The following LYPD4 variants were observed in gnomAD, a reference collection of about 807,000 sequenced individuals.
LYPD4 encodes ly6/PLAUR domain-containing protein 4.
Under a neutral mutation model 18.2 loss-of-function variants are expected in LYPD4, and 20 were observed. The observed-to-expected ratio is 1.10, with a 90% CI of 0.77 to 1.59. The LOEUF (loss-of-function observed/expected upper bound fraction) is 1.59, where lower values mean the gene tolerates loss of function less well. Among genes scored for constraint, LYPD4 ranks in the 40% most tolerant of loss-of-function variants. The pLI is 0.00. For missense variants in LYPD4, 278 were observed against 300.3 expected, an observed-to-expected ratio of 0.93 and a Z score of 0.55; for synonymous variants, 111 against 118.3, an observed-to-expected ratio of 0.94 and a Z score of 0.40.
In LYPD4 at chr19:41,843,062, AAAAAAAAAAAAAAAAC is replaced by A. The variant is rs2073684231; in HGVS notation, c.-121+500_-121+515del. The stretch of plus-strand genomic sequence containing the variant: ...AAAAAAAAAAAAAAAAAAAAAAAAA[AAAAAAAAAAAAAAAAC>A]CCCAACAACAACACTACACACATCC... On this transcript the variant is annotated intron_variant, in intron 1 of 4. Coordinates refer to ENST00000609812, the MANE Select transcript of LYPD4 (RefSeq NM_173506.7). Among the ~76,000 whole-genome samples, 93 of 53,468 alleles carry A rather than the reference AAAAAAAAAAAAAAAAC, an allele frequency of 1.7e-3. 14 individuals are homozygous for A. Among genetic ancestry groups the A allele is most frequent in the African/African-American group, 2.5e-3 (33 of 13,014 alleles). The allele number at this position is 53,468 out of a possible 152,430, so 35.1% of individuals were successfully genotyped here.
downstream of LYPD4, chr19:41,835,076 C>T (rs1328565698): frequency 6.6e-6 from 1 of 152,068 alleles, no homozygotes; most frequent in East Asian, 1.9e-4. Context: ...GAGCTCAAAA[C>T]CAGGCAAATC....
chr19:41,838,168 GAC>G lies in LYPD4; in HGVS notation c.303_304del (p.Ser102HisfsTer31), dbSNP rs1555831366. The G allele has an allele frequency of 6.2e-7, 1 of 1,608,366 alleles. No individual in the cohort carries two copies. Among genetic ancestry groups the G allele is most frequent in the South Asian group, 1.1e-5 (1 of 90,726 alleles). ...GCAGACGCGACTGTAGGAGGCAATG[GAC>G]ACTCCGGGTGGGGAAACAAGGTAGG... On this transcript the variant is annotated frameshift_variant, in exon 4 of 5. Transcript: ENST00000609812. LOFTEE classifies it high-confidence loss of function.
At chr19:41,835,892 C>A, downstream of LYPD4, 1 of 922,496 alleles carries the variant, frequency 1.1e-6, no homozygotes, top group Non-Finnish European at 1.3e-6. Context: ...GTGATGACAT[C>A]TATTTAATAA....
intron 3 of LYPD4, among the ~76,000 whole-genome samples, chr19:41,838,592 C>T (rs1266450965): frequency 2.0e-5 from 3 of 152,068 alleles, no homozygotes; most frequent in Non-Finnish European, 4.4e-5. Flanking sequence ...AGTGTCCTGA[C>T]ATTATCCAGA....
Position 41,843,054 on chromosome 19 carries a change from AAAAAAAAAAAAAAAAAAAAAAAAC to A in LYPD4, c.-121+500_-121+523del, listed in dbSNP as rs2073679214. On this transcript the variant is annotated intron_variant, in intron 1 of 4. Coordinates refer to ENST00000609812, the MANE Select transcript of LYPD4 (RefSeq NM_173506.7). ...CGCTAAAAAAAAAAAAAAAAAAAAA[AAAAAAAAAAAAAAAAAAAAAAAAC>A]CCCAACAACAACACTACACACATCC... 4.0e-3 allele frequency among the ~76,000 whole-genome samples: 230 copies of A among 57,792 alleles called. 10 individuals carry two copies. Among genetic ancestry groups the A allele is most frequent in the African/African-American group, 9.0e-3 (170 of 18,866 alleles). 37.9% of individuals were successfully genotyped at this position (57,792 alleles called of 152,430 possible). A position where few individuals can be genotyped will look rare whatever the true frequency, so the allele number is the denominator to read the frequency against.
chr19:41,837,481 G>C (rs2073405393), intron 4 of LYPD4, 136 bp from the exon 5 acceptor site: 1 of 917,220 alleles, frequency 1.1e-6, no homozygotes, highest in Non-Finnish European at 1.7e-6. Flanking sequence ...AGGACTTAAG[G>C]CCAGGAGTTT....
downstream of LYPD4, chr19:41,835,781 G>A (rs1361259964): frequency 6.1e-6 from 6 of 985,274 alleles, no homozygotes; most frequent in African/African-American, 5.2e-5. Context: ...GTGCAGGCAC[G>A]TGTGCTTCAG....
downstream of LYPD4, chr19:41,835,819 G>C: frequency 1.0e-6 from 1 of 985,410 alleles, no homozygotes; most frequent in Non-Finnish European, 1.2e-6. Flanking sequence ...TACTAACAAA[G>C]GTCAGCTCCG....
downstream of LYPD4, among the ~76,000 whole-genome samples, chr19:41,836,895 G>C (rs1555830460): frequency 6.6e-6 from 1 of 152,098 alleles, no homozygotes; most frequent in Non-Finnish European, 1.5e-5. Context: ...ACCCAGGCTG[G>C]AGCTCAAGCC....
In LYPD4 at chr19:41,838,258, G is replaced by C; in HGVS notation, c.215C>G (p.Thr72Ser). 6.6e-7 allele frequency: 1 copy of C among 1,523,342 alleles called. No individual in the cohort carries two copies. The highest frequency in any genetic ancestry group is 8.8e-7 in the Non-Finnish European group (1 of 1,135,266). The allele number at this position is 1,523,342 out of a possible 1,614,324, so 94.4% of individuals were successfully genotyped here. Residue 72 changes from threonine to serine, a missense_variant, in exon 4 of 5, where the codon ACT becomes AGT. By Grantham distance (58) the Thr-to-Ser change is moderately conservative (BLOSUM62 1). Coordinates refer to ENST00000609812, the MANE Select transcript of LYPD4 (RefSeq NM_173506.7). Reference sequence around the variant, plus strand: ...TTTAAAGCCCACGACTCCCCTTGCAGTCCCTGAGGAGCAGAGGATTGAGAG... The same window carrying C: ...TTTAAAGCCCACGACTCCCCTTGCACTCCCTGAGGAGCAGAGGATTGAGAG... ...EETLVFIETG[T>S]ARGVVGFKGC... is the part of the protein sequence containing the mutation.
intron 1 of LYPD4, among the ~76,000 whole-genome samples, chr19:41,839,808 T>C (rs2073517293): frequency 6.6e-6 from 1 of 152,056 alleles, no homozygotes; most frequent in Non-Finnish European, 1.5e-5. Context: ...CCCATCACTT[T>C]GGGAGGCTAA....
rs78978026 is a variant in LYPD4 at position 41,838,930 on chromosome 19, C to T, written c.162G>A (p.Val54=). Residue 54 remains valine, a synonymous_variant, in exon 3 of 5, where the codon GTG becomes GTA. Coordinates refer to ENST00000609812, the MANE Select transcript of LYPD4 (RefSeq NM_173506.7). ...CCTCGCAGCCCTCTTGCAGCTTACA[C>T]ACCATGTTCCTCATCAGAAGCCACT... ...NWKWLLMRNM[V]CKLQEGCEET... 1.1e-3 allele frequency: 1,806 copies of T among 1,613,988 alleles called. 20 individuals are homozygous for T. The African/African-American group carries it at 0.021, about 19-fold the overall frequency.
At chr19:41,837,688 C>T (rs2073411736) in intron 4 of LYPD4, among the ~76,000 whole-genome samples, 1 of 150,908 alleles carries the variant, frequency 6.6e-6, no homozygotes, top group African/African-American at 2.4e-5. Flanking sequence ...AGCAAGACTC[C>T]CATTTCAAAA....
At chr19:41,838,854 A>C in intron 3 of LYPD4, 27 bp downstream of exon 3, 1 of 1,611,622 alleles carries the variant, frequency 6.2e-7, no homozygotes. Flanking sequence ...AAGCAAAACG[A>C]AATTGATCAA....
Position 41,838,167 on chromosome 19 carries a change from G to A in LYPD4, c.306C>T (p.Ser102=), listed in dbSNP as rs782542307. 51 of 1,608,154 alleles carry A rather than the reference G, an allele frequency of 3.2e-5. No individual in the cohort carries two copies. The highest frequency in any genetic ancestry group is 3.3e-4 in the Middle Eastern group (2 of 6,052). Residue 102 remains serine (S), a synonymous_variant, in exon 4 of 5, where the codon TCC becomes TCT. Transcript: ENST00000609812. ...ISYLVSPPGV[S]IASYSRVCRS... ...GGCAGACGCGACTGTAGGAGGCAAT[G>A]GACACTCCGGGTGGGGAAACAAGGT...
chr19:41,841,628 T>C lies in LYPD4; in HGVS notation c.-121+1950A>G, dbSNP rs528060682. Among the ~76,000 whole-genome samples, 4 of 140,818 alleles carry C rather than the reference T, an allele frequency of 2.8e-5. No homozygotes were observed. In the East Asian group the frequency reaches 8.2e-4, roughly 29 times the overall value. The allele number at this position is 140,818 out of a possible 152,430, so 92.4% of individuals were successfully genotyped here. On this transcript the variant is annotated intron_variant, in intron 1 of 4. Coordinates refer to ENST00000609812, the MANE Select transcript of LYPD4 (RefSeq NM_173506.7). ...TTGCAGTGAGCCGAGATCATGCCAC[T>C]GCACTCCAGCCTGGGCAATAGAACA...
chr19:41,835,906 T>A, downstream of LYPD4: 2 of 879,196 alleles, frequency 2.3e-6, no homozygotes, highest in Non-Finnish European at 2.7e-6. Context: ...TTAATAAGGT[T>A]GTAGTAAGGA....
At chr19:41,841,348 C>CAA (rs146336147) in intron 1 of LYPD4, among the ~76,000 whole-genome samples, 1 of 134,176 alleles carries the variant, frequency 7.5e-6, no homozygotes, top group Non-Finnish European at 1.6e-5. Flanking sequence ...TTGTCTATAC[C>CAA]AAAAAAAAAA....
intron 1 of LYPD4, among the ~76,000 whole-genome samples, chr19:41,840,145 T>C (rs7508460): frequency 6.7e-6 from 1 of 148,346 alleles, no homozygotes. Context: ...GACACACACA[T>C]ACACACACAC....
Sources: allele counts gnomAD v4.1 joint callset (sites outside exome capture counted in the v4.1 genomes callset), GRCh38; gene constraint gnomAD v4.1.1; transcripts MANE v1.5; gene names NCBI Gene and HGNC (gene_info 2026-07-23, HGNC 2026-07-21).